HNRNPA2B1: variants seen among roughly 807,000 people sequenced by gnomAD.
The protein encoded by HNRNPA2B1 is heterogeneous nuclear ribonucleoprotein A2/B1.
HNRNPA2B1 carries 3 observed loss-of-function variants against 46.3 expected under a neutral mutation model. That is an observed-to-expected ratio of 0.06 (90% CI 0.03 to 0.17). HNRNPA2B1 has a LOEUF of 0.17. Ranked by LOEUF, HNRNPA2B1 falls within the 10% of genes least tolerant of loss-of-function variation. The pLI is 1.00. For synonymous variants in HNRNPA2B1, 225 were observed against 133.8 expected (o/e 1.68, Z -4.70); for missense variants, 221 against 418.9 (o/e 0.53, Z 4.12).
chr7:26,196,057 T>C, intron 6 of HNRNPA2B1, 148 bp from the exon 7 acceptor site: 4 of 1,171,406 alleles, frequency 3.4e-6, no homozygotes, highest in Non-Finnish European at 4.6e-6. Context: ...CCACAAAACA[T>C]GAAAGCATAT....
At chr7:26,200,273 A>C in intron 1 of HNRNPA2B1, 16 of 436,130 alleles carry the variant, frequency 3.7e-5, no homozygotes, top group Non-Finnish European at 5.5e-5. Flanking sequence ...TAGAAAGGGA[A>C]TAAGAATTCC....
intron 1 of HNRNPA2B1, chr7:26,200,265 G>A (rs916352631): frequency 3.0e-4 from 118 of 399,202 alleles, no homozygotes; most frequent in Middle Eastern, 2.8e-3. Context: ...GCGTGCTTTA[G>A]AAAGGGAATA....
At chr7:26,196,504 A>G (rs370712246) in intron 5 of HNRNPA2B1, 23 bp from the exon 6 acceptor site, 69 of 1,613,698 alleles carry the variant, frequency 4.3e-5, no homozygotes, top group Non-Finnish European at 5.1e-5. Flanking sequence ...CCCCAGTTAG[A>G]AGCAAGCCCT....
intron 4 of HNRNPA2B1, 53 bp downstream of exon 4, chr7:26,196,754 C>T (rs370658742): frequency 6.4e-7 from 1 of 1,571,520 alleles, no homozygotes; most frequent in Non-Finnish European, 8.7e-7. Flanking sequence ...TGTTAACATA[C>T]ACAAAATTGA....
rs377126393 is a variant in HNRNPA2B1, at chr7:26,196,847, A to G, written c.435T>C (p.Phe145=). ...CAGGATCATGGTCATCAAAAGTAAC[A>G]AAGCCAAAGCCTCTTTTCTTTCCAG... The part of the protein sequence containing the change: ...RQSGKKRGFG[F]VTFDDHDPVD... Residue 145 remains phenylalanine (F), a synonymous_variant, in exon 4 of 11, where the codon TTT becomes TTC. Transcript: ENST00000618183. The G allele has an allele frequency of 1.1e-5, 18 of 1,614,078 alleles. No homozygotes were observed. Among genetic ancestry groups the G allele is most frequent in the Non-Finnish European group, 1.4e-5 (17 of 1,179,996 alleles).
In HNRNPA2B1 at chr7:26,200,636, C is replaced by T. The variant is rs1784328556; in HGVS notation, c.-59G>A. 6.2e-7 allele frequency: 1 copy of T among 1,611,618 alleles called. No homozygotes were observed. Among genetic ancestry groups the T allele is most frequent in the Admixed American group, 1.7e-5 (1 of 60,028 alleles). On this transcript the variant is annotated 5_prime_UTR_variant, in exon 1 of 11. Coordinates refer to ENST00000618183, the MANE Select transcript of HNRNPA2B1 (RefSeq NM_002137.4). Reference sequence around the variant, plus strand: ...AGCCGAGCGAGATGAGAGAGATCTCCGCGGACGAACACGAACCGGACTCGT... The same window carrying T: ...AGCCGAGCGAGATGAGAGAGATCTCTGCGGACGAACACGAACCGGACTCGT...
At position 26,200,681 on chromosome 7, in the gene HNRNPA2B1, C is replaced by A; in HGVS notation, c.-104G>T. 1 of 1,422,952 alleles carries A rather than the reference C, an allele frequency of 7.0e-7. No individual in the cohort carries two copies. Among genetic ancestry groups the A allele is most frequent in the Non-Finnish European group, 9.9e-7 (1 of 1,011,486 alleles). 88.1% of individuals were successfully genotyped at this position (1,422,952 alleles called of 1,614,324 possible). A position where few individuals can be genotyped will look rare whatever the true frequency, so the allele number is the denominator to read the frequency against. On this transcript the variant is annotated 5_prime_UTR_variant, in exon 1 of 11. Coordinates refer to ENST00000618183, the MANE Select transcript of HNRNPA2B1 (RefSeq NM_002137.4). ...ACTCGTCCTGGCGCTGTAGTGAGAA[C>A]TGCCGCTGCTCGAGAAACAACTCTG...
Position 26,196,790 on chromosome 7 carries a change from T to C in HNRNPA2B1, c.475+17A>G, listed in dbSNP as rs372335871. The C allele has an allele frequency of 6.2e-6, 10 of 1,605,952 alleles. No homozygotes were observed. The African/African-American group carries it at 1.3e-4, about 21-fold the overall frequency. ...ATACACTGGAAAAAAACAGTACATTTGTGGTTAGACACTTACATACGATTT... is the reference window on the plus strand; with the variant it reads ...ATACACTGGAAAAAAACAGTACATTCGTGGTTAGACACTTACATACGATTT... On this transcript the variant is annotated intron_variant, in intron 4 of 10. Transcript: ENST00000618183.
intron 7 of HNRNPA2B1, 34 bp from the exon 8 acceptor site, chr7:26,193,728 A>G (rs750237493): frequency 1.3e-6 from 2 of 1,566,906 alleles, no homozygotes; most frequent in Non-Finnish European, 1.7e-6. Context: ...TAATCACTTA[A>G]TATTTTCAAT....
intron 6 of HNRNPA2B1, among the ~76,000 whole-genome samples, chr7:26,196,138 G>A (rs1227986233): frequency 6.6e-6 from 1 of 152,074 alleles, no homozygotes; most frequent in Non-Finnish European, 1.5e-5. Flanking sequence ...CTATTTATAC[G>A]TAAGAATGAC....
At chr7:26,196,717 A>T in intron 4 of HNRNPA2B1, 59 bp from the exon 5 acceptor site, 2 of 1,569,454 alleles carry the variant, frequency 1.3e-6, no homozygotes. Context: ...GCAGCTTCAA[A>T]AGTTTACCTT....
rs1363174233 is a variant in HNRNPA2B1 at position 26,190,694 on chromosome 7, GA to G, written c.*1665del. 5 of 152,112 alleles carry G rather than the reference GA, an allele frequency of 3.3e-5. No individual in the cohort carries two copies. In the South Asian group the frequency reaches 8.3e-4, roughly 25 times the overall value. The allele number at this position is 152,112 out of a possible 1,614,324, so 9.4% of individuals were successfully genotyped here. On this transcript the variant is annotated 3_prime_UTR_variant, in exon 11 of 11. Coordinates refer to ENST00000618183, the MANE Select transcript of HNRNPA2B1 (RefSeq NM_002137.4). Reference sequence around the variant, plus strand: ...CTCTTCAGGGTAAGACACTGAACTAGAATTACCACATTTAACCCACCTATTT... The same window carrying G: ...CTCTTCAGGGTAAGACACTGAACTAGATTACCACATTTAACCCACCTATTT...
At chr7:26,196,341 C>A in intron 6 of HNRNPA2B1, 60 bp downstream of exon 6, 1 of 1,361,134 alleles carries the variant, frequency 7.3e-7, no homozygotes, top group Admixed American at 2.0e-5. Flanking sequence ...TAATGAAAAC[C>A]TAATCATATT....
chr7:26,196,729 C>T, intron 4 of HNRNPA2B1, 71 bp from the exon 5 acceptor site: 1 of 1,567,432 alleles, frequency 6.4e-7, no homozygotes. Context: ...GTTTACCTTT[C>T]AATAAAGTTA....
At chr7:26,200,096 G>T (rs577493254) in intron 1 of HNRNPA2B1, 1 of 191,810 alleles carries the variant, frequency 5.2e-6, no homozygotes, top group African/African-American at 2.4e-5. Flanking sequence ...AAATAAAAGA[G>T]TTATAAGGAA....
At chr7:26,200,356 G>A (rs915688060) in intron 1 of HNRNPA2B1, 2 of 618,574 alleles carry the variant, frequency 3.2e-6, no homozygotes, top group East Asian at 2.7e-5. Context: ...CCCACCCCCA[G>A]TGAAGGGAAA....
chr7:26,199,456 G>A (rs989170863), intron 1 of HNRNPA2B1: 1 of 152,242 alleles, frequency 6.6e-6, no homozygotes, highest in Non-Finnish European at 1.5e-5. Flanking sequence ...TTTAATCGAA[G>A]TATAACTAAG....
At chr7:26,199,999 T>A (rs1784193776) in intron 1 of HNRNPA2B1, 1 of 155,802 alleles carries the variant, frequency 6.4e-6, no homozygotes, top group Non-Finnish European at 1.4e-5. Flanking sequence ...ACACTCCAAA[T>A]CCACCTCGAA....
rs1010066589 is a variant in HNRNPA2B1 at position 26,194,863 on chromosome 7, A to C, written c.721+984T>G. Among the ~76,000 whole-genome samples the C allele has an allele frequency of 2.6e-5, 4 of 151,752 alleles. No homozygotes were observed. In the East Asian group the frequency reaches 7.7e-4, roughly 29 times the overall value. The stretch of plus-strand genomic sequence containing the variant: ...TAACCCCAGCGTTTTTGGGAGGCCA[A>C]GGTGGGCAGTTCACGAGGTCAGGAG... On this transcript the variant is annotated intron_variant, in intron 7 of 10. Transcript: ENST00000618183.
Sources: allele counts gnomAD v4.1 joint callset (sites outside exome capture counted in the v4.1 genomes callset), GRCh38; gene constraint gnomAD v4.1.1; transcripts MANE v1.5; gene names NCBI Gene and HGNC (gene_info 2026-07-23, HGNC 2026-07-21).